Variants in SENP6 observed in about 807,000 individuals in gnomAD.
SENP6 encodes SUMO specific peptidase 6.
In SENP6, 41 loss-of-function variants were observed where a neutral mutation model predicts 134.5. The observed-to-expected ratio is 0.30, with a 90% CI of 0.24 to 0.40. The LOEUF is 0.40. SENP6 is among the 10% of genes least tolerant of loss of function. SENP6 has a pLI of 1.00. For missense variants in SENP6, 1,248 were observed against 1,312.5 expected, an observed-to-expected ratio of 0.95 and a Z score of 0.76; for synonymous variants, 395 against 429.8, an observed-to-expected ratio of 0.92 and a Z score of 1.00.
At position 75,713,551 on chromosome 6, in the gene SENP6, C is replaced by T; in HGVS notation, c.2948C>T (p.Ser983Phe). 1 of 1,613,828 alleles carries T rather than the reference C, an allele frequency of 6.2e-7. No individual in the cohort carries two copies. Among genetic ancestry groups the T allele is most frequent in the African/African-American group, 1.3e-5 (1 of 75,034 alleles). ...ILLMDSLRGP[S>F]RSNVVKILRE... ...CTTATGGACTCACTCCGAGGCCCTT[C>T]TCGGTCAAATGTTGTCAAAATTTTA... is the stretch of plus-strand genomic sequence containing the variant. Residue 983 changes from serine to phenylalanine, a missense_variant, in exon 22 of 24, where the codon TCT becomes TTT. Ser to Phe is a radical substitution (Grantham distance 155). Around this residue, in one of 3 missense-constraint regions of SENP6, gnomAD observed 386 missense variants for 395.0 expected, o/e 0.98. Transcript: ENST00000447266.
At chr6:75,613,612 A>G (rs1490865344) in intron 1 of SENP6, among the ~76,000 whole-genome samples, 1 of 152,180 alleles carries the variant, frequency 6.6e-6, no homozygotes, top group Non-Finnish European at 1.5e-5. Context: ...AAGCGATTAT[A>G]TTTATACTGT....
chr6:75,674,930 A>T (rs1772971457), intron 11 of SENP6, among the ~76,000 whole-genome samples: 1 of 152,186 alleles, frequency 6.6e-6, no homozygotes, highest in Non-Finnish European at 1.5e-5. Flanking sequence ...GTTTTTTAAT[A>T]CATTTCAAAA....
rs1425735310 is a variant in SENP6 at position 75,709,574 on chromosome 6, G to A, written c.2764G>A (p.Ala922Thr). The A allele has an allele frequency of 1.2e-6, 2 of 1,614,034 alleles. No individual in the cohort carries two copies. The highest frequency in any genetic ancestry group is 2.2e-5 in the South Asian group (2 of 91,076). ...RLNYSDESPE[A>T]GKMLEDELVD... ...AAACTATAGCGATGAATCACCTGAAGCTGGTAAAATGCTTGAAGATGAACT... is the reference window on the plus strand; with the variant it reads ...AAACTATAGCGATGAATCACCTGAAACTGGTAAAATGCTTGAAGATGAACT... Residue 922 changes from alanine to threonine, a missense_variant, in exon 20 of 24, where the codon GCT becomes ACT. Transcript: ENST00000447266.
chr6:75,709,148 T>C (rs1412264325), intron 19 of SENP6, among the ~76,000 whole-genome samples: 1 of 152,210 alleles, frequency 6.6e-6, no homozygotes, highest in Non-Finnish European at 1.5e-5. Context: ...GTTTCTGTTA[T>C]TGGACATAGG....
chr6:75,678,718 A>T (rs368069882), intron 15 of SENP6, 26 bp downstream of exon 15: 1 of 1,391,868 alleles, frequency 7.2e-7, no homozygotes, highest in East Asian at 2.3e-5. Context: ...TATATTTGCA[A>T]TGATCTTAAA....
intron 10 of SENP6, among the ~76,000 whole-genome samples, chr6:75,668,003 T>C (rs1772379014): frequency 6.6e-6 from 1 of 152,204 alleles, no homozygotes; most frequent in South Asian, 2.1e-4. Context: ...TATATGTATG[T>C]GTTTATACAT....
intron 3 of SENP6, among the ~76,000 whole-genome samples, chr6:75,627,126 C>A (rs1768757825): frequency 6.6e-6 from 1 of 152,030 alleles, no homozygotes; most frequent in Non-Finnish European, 1.5e-5. Context: ...AACAAACCAG[C>A]TAACTTTTGT....
chr6:75,630,095 G>A, intron 3 of SENP6, among the ~76,000 whole-genome samples: 1 of 147,252 alleles, frequency 6.8e-6, no homozygotes, highest in East Asian at 2.0e-4. Flanking sequence ...TTGAGATGGA[G>A]TCTCGCTCTT....
At chr6:75,659,901 G>T (rs988035852) in intron 8 of SENP6, among the ~76,000 whole-genome samples, 1 of 152,004 alleles carries the variant, frequency 6.6e-6, no homozygotes, top group African/African-American at 2.4e-5. Flanking sequence ...TGTGTTTTTG[G>T]TTTTTTATAA....
chr6:75,666,999 A>AT lies in SENP6; in HGVS notation c.1224+66dup, dbSNP rs1442604945. The AT allele has an allele frequency of 3.7e-5, 46 of 1,239,880 alleles. No homozygotes were observed. The East Asian group carries it at 7.3e-4, about 20-fold the overall frequency. 76.8% of individuals were successfully genotyped at this position (1,239,880 alleles called of 1,614,324 possible). ...TTAATGCCTCCATTTTGGGGTGTAAATTTTTTTTAGAAGGCAGTTTGGTAG... is the reference window on the plus strand; with the variant it reads ...TTAATGCCTCCATTTTGGGGTGTAAATTTTTTTTTAGAAGGCAGTTTGGTAG... On this transcript the variant is annotated intron_variant, in intron 10 of 23. Coordinates refer to ENST00000447266, the MANE Select transcript of SENP6 (RefSeq NM_015571.4).
Position 75,670,655 on chromosome 6 carries a change from G to T in SENP6, c.1327G>T (p.Val443Phe), listed in dbSNP as rs1428821311. 1 of 1,613,274 alleles carries T rather than the reference G, an allele frequency of 6.2e-7. No individual in the cohort carries two copies. Among genetic ancestry groups the T allele is most frequent in the African/African-American group, 1.3e-5 (1 of 75,016 alleles). ...ALSCQSSFDS[V>F]ILNCRSIRVG... ...AAGCTGCCAAAGTTCCTTTGACAGT[G>T]TCATTTTAAACTGTCGAAGTATACG... is the stretch of plus-strand genomic sequence containing the variant. The change falls in exon 11 of 24, where the codon GTC becomes TTC. Residue 443 changes from valine to phenylalanine, a missense_variant. This residue lies in a region of SENP6 where 733 missense variants were observed against 725.4 expected (regional missense o/e 1.01). Coordinates refer to ENST00000447266, the MANE Select transcript of SENP6 (RefSeq NM_015571.4).
intron 1 of SENP6, among the ~76,000 whole-genome samples, chr6:75,604,265 A>G (rs989212672): frequency 1.3e-5 from 2 of 152,236 alleles, no homozygotes; most frequent in African/African-American, 4.8e-5. Context: ...TATAGGTATG[A>G]TAAATTCGAG....
chr6:75,619,835 A>G (rs995112069), intron 1 of SENP6, among the ~76,000 whole-genome samples: 4 of 152,162 alleles, frequency 2.6e-5, no homozygotes, highest in African/African-American at 7.2e-5. Context: ...TCACACCTGT[A>G]TTCCCAGCAC....
At chr6:75,640,621 T>C in intron 5 of SENP6, 63 bp from the exon 6 acceptor site, 1 of 1,133,996 alleles carries the variant, frequency 8.8e-7, no homozygotes, top group East Asian at 2.6e-5. Flanking sequence ...TTACTGCAAC[T>C]ACAGTGATAT....
At chr6:75,713,347 T>C (rs1775860815) in intron 21 of SENP6, among the ~76,000 whole-genome samples, 166 bp from the exon 22 acceptor site, 1 of 152,202 alleles carries the variant, frequency 6.6e-6, no homozygotes, top group Admixed American at 6.5e-5. Flanking sequence ...ATTATAAGGT[T>C]CGTATGTGTC....
intron 21 of SENP6, among the ~76,000 whole-genome samples, chr6:75,712,486 G>A (rs1775804291): frequency 6.6e-6 from 1 of 151,926 alleles, no homozygotes. Flanking sequence ...AGACCAGCTT[G>A]TGCAACACAG....
At chr6:75,685,546 C>T (rs1025994623) in intron 16 of SENP6, among the ~76,000 whole-genome samples, 1 of 152,176 alleles carries the variant, frequency 6.6e-6, no homozygotes, top group Non-Finnish European at 1.5e-5. Flanking sequence ...CCTCTACGCA[C>T]TGCTTTAAAT....
chr6:75,713,544 G>C lies in SENP6; in HGVS notation c.2941G>C (p.Gly981Arg). 6.2e-7 allele frequency: 1 copy of C among 1,613,754 alleles called. No homozygotes were observed. ...PCILLMDSLR[G>R]PSRSNVVKIL... ...TATCCTACTTATGGACTCACTCCGA[G>C]GCCCTTCTCGGTCAAATGTTGTCAA... is the stretch of plus-strand genomic sequence containing the variant. Residue 981 changes from glycine to arginine, a missense_variant, in exon 22 of 24, where the codon GGC (glycine) becomes CGC (arginine). By Grantham distance (125) the Gly-to-Arg change is moderately radical (BLOSUM62 -2). Transcript: ENST00000447266.
chr6:75,661,444 T>G (rs1181481074), intron 8 of SENP6, among the ~76,000 whole-genome samples: 1 of 152,166 alleles, frequency 6.6e-6, no homozygotes, highest in East Asian at 1.9e-4. Flanking sequence ...AAACCTCTGT[T>G]TGTTTGTTTT....
Sources: allele counts gnomAD v4.1 joint callset (sites outside exome capture counted in the v4.1 genomes callset), GRCh38; gene constraint gnomAD v4.1.1; regional missense constraint gnomAD v4.1.1; transcripts MANE v1.5; gene names NCBI Gene and HGNC (gene_info 2026-07-23, HGNC 2026-07-21).